TMEM131L: variants seen among roughly 807,000 people sequenced by gnomAD.
The protein encoded by TMEM131L is transmembrane 131 like.
Under a neutral mutation model 192.2 loss-of-function variants are expected in TMEM131L, and 54 were observed. That is an observed-to-expected ratio of 0.28 (90% CI 0.23 to 0.35). The LOEUF (loss-of-function observed/expected upper bound fraction) is 0.35. Ranked by LOEUF, TMEM131L falls within the 10% of genes least tolerant of loss-of-function variation. The pLI is 1.00. For synonymous variants in TMEM131L, 701 were observed against 704.9 expected, an observed-to-expected ratio of 0.99 and a Z score of 0.09; for missense variants, 1,888 against 1,972.9, an observed-to-expected ratio of 0.96 and a Z score of 0.82.
chr4:153,624,488 T>G (rs1457476739), intron 29 of TMEM131L, among the ~76,000 whole-genome samples: 2 of 152,260 alleles, frequency 1.3e-5, no homozygotes, highest in African/African-American at 4.8e-5. Context: ...AACTGTTGTT[T>G]TCAACATAGT....
intron 31 of TMEM131L, among the ~76,000 whole-genome samples, chr4:153,631,053 T>A (rs1530107): frequency 0.49 from 74,331 of 152,186 alleles, 20,629 homozygotes; most frequent in African/African-American, 0.77. Flanking sequence ...GCAGGGTTTC[T>A]TCAGGGCAGA....
intron 3 of TMEM131L, among the ~76,000 whole-genome samples, chr4:153,533,401 A>G (rs554928946): frequency 2.0e-5 from 3 of 152,292 alleles, no homozygotes; most frequent in Non-Finnish European, 4.4e-5. Context: ...GAGGCTGCCA[A>G]TCAGGTGCTG....
intron 3 of TMEM131L, among the ~76,000 whole-genome samples, chr4:153,492,809 C>A (rs114649541): frequency 0.019 from 2,945 of 151,984 alleles, 54 homozygotes; most frequent in South Asian, 0.069. Context: ...TAATTTGGCT[C>A]AGGGCTGGGG....
intron 3 of TMEM131L, among the ~76,000 whole-genome samples, chr4:153,492,580 A>T (rs1732864634): frequency 6.6e-6 from 1 of 152,234 alleles, no homozygotes; most frequent in African/African-American, 2.4e-5. Context: ...AAAATATAAT[A>T]GTAATATGAA....
At chr4:153,572,269 TTCTG>T (rs1276239395) in intron 7 of TMEM131L, among the ~76,000 whole-genome samples, 2 of 152,196 alleles carry the variant, frequency 1.3e-5, no homozygotes, top group African/African-American at 2.4e-5. Flanking sequence ...CCAGAACTCA[TTCTG>T]TCTGTCTAGC....
chr4:153,583,417 C>A, intron 10 of TMEM131L, 147 bp from the exon 11 acceptor site: 2 of 757,738 alleles, frequency 2.6e-6, no homozygotes, highest in Admixed American at 2.3e-5. Context: ...TGAAGATTGT[C>A]AGCATCCCCT....
chr4:153,604,187 A>G lies in TMEM131L; in HGVS notation c.3175A>G (p.Asn1059Asp), dbSNP rs1379073657. The change falls in exon 25 of 35, where the codon AAC (asparagine) becomes GAC (aspartate). Residue 1059 changes from asparagine to aspartate, a missense_variant. Asn to Asp is a conservative substitution (Grantham distance 23). Coordinates refer to ENST00000409959, the MANE Select transcript of TMEM131L (RefSeq NM_001131007.2). Reference protein sequence around the residue: ...LPKNLLNKEENTLKNTIVFSN... With the variant: ...LPKNLLNKEEDTLKNTIVFSN... The stretch of plus-strand genomic sequence containing the variant: ...CAAAAACTTACTGAATAAAGAAGAA[A>G]ACACACTGAAAAACACAATTGTTTT... 6.2e-7 allele frequency: 1 copy of G among 1,614,204 alleles called. No individual in the cohort carries two copies. The highest frequency in any genetic ancestry group is 8.5e-7 in the Non-Finnish European group (1 of 1,180,030).
chr4:153,513,721 A>G (rs1020693852), intron 3 of TMEM131L, among the ~76,000 whole-genome samples: 2 of 152,178 alleles, frequency 1.3e-5, no homozygotes, highest in East Asian at 3.9e-4. Flanking sequence ...TGATGCTTCA[A>G]AAGAGGATGG....
In TMEM131L at chr4:153,600,095, T is replaced by A. The variant is rs76372032; in HGVS notation, c.2266+1363T>A. Among the ~76,000 whole-genome samples, 1,375 of 152,244 alleles carry A rather than the reference T, an allele frequency of 9.0e-3. 21 individuals are homozygous for A. Among genetic ancestry groups the A allele is most frequent in the African/African-American group, 0.031 (1,298 of 41,550 alleles). On this transcript the variant is annotated intron_variant, in intron 21 of 34. Coordinates refer to ENST00000409959, the MANE Select transcript of TMEM131L (RefSeq NM_001131007.2). Reference sequence around the variant, plus strand: ...AAAAATAACTAGTTGCTGGGTGTGGTGGCTCACGCCTATAATCCCAGCACT... The same window carrying A: ...AAAAATAACTAGTTGCTGGGTGTGGAGGCTCACGCCTATAATCCCAGCACT...
chr4:153,561,667 G>C (rs1186686131), intron 7 of TMEM131L, among the ~76,000 whole-genome samples: 1 of 152,156 alleles, frequency 6.6e-6, no homozygotes, highest in Middle Eastern at 3.2e-3. Context: ...CCTCTCATCT[G>C]TGGCCCCATT....
intron 7 of TMEM131L, among the ~76,000 whole-genome samples, chr4:153,563,292 A>G (rs1390348493): frequency 1.3e-5 from 2 of 152,188 alleles, no homozygotes; most frequent in Non-Finnish European, 2.9e-5. Flanking sequence ...TGTTGAGGAC[A>G]CATAATTCAA....
In TMEM131L at chr4:153,587,802, T is replaced by A; in HGVS notation, c.1543T>A (p.Ser515Thr). The A allele has an allele frequency of 6.2e-7, 1 of 1,612,654 alleles. No individual in the cohort carries two copies. Among genetic ancestry groups the A allele is most frequent in the Non-Finnish European group, 8.5e-7 (1 of 1,178,716 alleles). The change falls in exon 15 of 35, where the codon TCA becomes ACA. Residue 515 changes from serine (S) to threonine (T), a missense_variant. Coordinates refer to ENST00000409959, the MANE Select transcript of TMEM131L (RefSeq NM_001131007.2). ...HCGMHYFMGK[S>T]KAGNPNWNGS... is the part of the protein sequence containing the mutation. ...TGGCATGCATTATTTCATGGGAAAA[T>A]CAAAAGCAGGTAAGTATTTTGCCCT... is the stretch of plus-strand genomic sequence containing the variant.
At chr4:153,557,881 CCACCTCCCAGG>C (rs1238599879) in intron 6 of TMEM131L, among the ~76,000 whole-genome samples, 1 of 152,122 alleles carries the variant, frequency 6.6e-6, no homozygotes, top group Non-Finnish European at 1.5e-5. Context: ...CTGACTGCAG[CCACCTCCCAGG>C]CACAAGCGAT....
At chr4:153,539,091 CA>C (rs1736564819) in intron 3 of TMEM131L, among the ~76,000 whole-genome samples, 1 of 152,184 alleles carries the variant, frequency 6.6e-6, no homozygotes, top group South Asian at 2.1e-4. Flanking sequence ...GGGAAAGAAA[CA>C]GTGAGATCTT....
At chr4:153,477,140 AAG>A (rs1469518293) in intron 3 of TMEM131L, among the ~76,000 whole-genome samples, 6 of 152,172 alleles carry the variant, frequency 3.9e-5, no homozygotes, top group Non-Finnish European at 8.8e-5. Flanking sequence ...GTGTGAGGGA[AAG>A]AGAAATCATG....
At chr4:153,606,107 T>C (rs1374567872) in intron 25 of TMEM131L, among the ~76,000 whole-genome samples, 1 of 152,206 alleles carries the variant, frequency 6.6e-6, no homozygotes, top group East Asian at 1.9e-4. Flanking sequence ...ATACCTTGTC[T>C]GTGGATGTAT....
At position 153,473,637 on chromosome 4, in the gene TMEM131L, C is replaced by A. The variant is rs541944996; in HGVS notation, c.196-208C>A. ...TGAAACCCTGTTTCTACTAAAAATA[C>A]AAAAATTAGCCAGGTGTGGTGGCAT... On this transcript the variant is annotated intron_variant, in intron 2 of 34. Coordinates refer to ENST00000409959, the MANE Select transcript of TMEM131L (RefSeq NM_001131007.2). Among the ~76,000 whole-genome samples the A allele has an allele frequency of 2.6e-3, 401 of 152,202 alleles. 2 individuals are homozygous for A. Among genetic ancestry groups the A allele is most frequent in the African/African-American group, 9.1e-3 (377 of 41,540 alleles).
At chr4:153,484,459 AT>A (rs1732163553) in intron 3 of TMEM131L, among the ~76,000 whole-genome samples, 1 of 151,134 alleles carries the variant, frequency 6.6e-6, no homozygotes, top group Admixed American at 6.6e-5. Flanking sequence ...TATTTTTATT[AT>A]TTTTATTTTA....
chr4:153,582,569 G>A (rs1008062623), intron 9 of TMEM131L, among the ~76,000 whole-genome samples: 3 of 148,448 alleles, frequency 2.0e-5, no homozygotes, highest in Non-Finnish European at 3.0e-5. Flanking sequence ...ATGAGCCACC[G>A]TGCCCTGCTT....
Sources: gnomAD v4.1 joint callset for allele counts (sites outside exome capture counted in the v4.1 genomes callset) on GRCh38, gnomAD v4.1.1 for gene constraint, MANE v1.5 for transcripts, NCBI Gene and HGNC (gene_info 2026-07-23, HGNC 2026-07-21) for gene names.